The following SEC16B variants were observed in gnomAD, a reference collection of about 807,000 sequenced individuals.
The protein encoded by SEC16B is protein transport protein Sec16B.
SEC16B carries 115 observed loss-of-function variants against 141.8 expected under a neutral mutation model. The ratio of observed to expected loss-of-function variants is 0.81; its 90% CI spans 0.70 to 0.95. The LOEUF (loss-of-function observed/expected upper bound fraction) is 0.95, where lower values mean the gene tolerates loss of function less well. SEC16B is among the 40% of genes least tolerant of loss of function. The pLI is 0.00. For synonymous variants in SEC16B, 493 were observed against 492.5 expected, an observed-to-expected ratio of 1.00 and a Z score of -0.01; for missense variants, 1,291 against 1,312.3, an observed-to-expected ratio of 0.98 and a Z score of 0.25.
chr1:177,949,807 C>T (rs1652030045), intron 12 of SEC16B, among the ~76,000 whole-genome samples: 1 of 152,206 alleles, frequency 6.6e-6, no homozygotes, highest in South Asian at 2.1e-4. Context: ...CCATTCATCA[C>T]ATGGAACTGA....
upstream of SEC16B, among the ~76,000 whole-genome samples, chr1:177,973,488 T>C (rs1388189553): frequency 6.6e-6 from 1 of 152,232 alleles, no homozygotes; most frequent in African/African-American, 2.4e-5. Context: ...ACTGACATTA[T>C]TTTTAATCAA....
At chr1:177,937,630 T>C in intron 18 of SEC16B, 117 bp from the exon 19 acceptor site, 1 of 835,014 alleles carries the variant, frequency 1.2e-6, no homozygotes, top group Non-Finnish European at 1.8e-6. Flanking sequence ...AAGGACGAGC[T>C]GTCTAATGCG....
At chr1:177,938,386 C>T (rs551509407) in intron 18 of SEC16B, among the ~76,000 whole-genome samples, 20 of 152,320 alleles carry the variant, frequency 1.3e-4, no homozygotes, top group East Asian at 3.9e-4. Context: ...ATGTGTTACA[C>T]GCACATTAGT....
chr1:177,935,738 G>A (rs2101905676), intron 20 of SEC16B, among the ~76,000 whole-genome samples: 1 of 152,056 alleles, frequency 6.6e-6, no homozygotes, highest in East Asian at 1.9e-4. Context: ...AAAGTTATAG[G>A]ATGTAACCCT....
upstream of SEC16B, among the ~76,000 whole-genome samples, chr1:177,971,083 C>CTTT (rs200777874): frequency 4.5e-4 from 66 of 145,832 alleles, no homozygotes; most frequent in East Asian, 2.4e-3. Context: ...CTAATGGTTT[C>CTTT]TTTTTTTTTT....
At chr1:177,932,338 T>C (rs566458871) in intron 24 of SEC16B, among the ~76,000 whole-genome samples, 152 bp downstream of exon 24, 2 of 152,270 alleles carry the variant, frequency 1.3e-5, no homozygotes, top group East Asian at 3.9e-4. Flanking sequence ...CTCTGTTCTG[T>C]GGTACTTTGT....
intron 2 of SEC16B, among the ~76,000 whole-genome samples, 163 bp from the exon 3 acceptor site, chr1:177,966,168 C>T (rs1653502739): frequency 6.6e-6 from 1 of 152,178 alleles, no homozygotes; most frequent in African/African-American, 2.4e-5. Flanking sequence ...TAAACAGAAT[C>T]AAAGCAGGAG....
chr1:177,968,280 G>A (rs904891465), intron 1 of SEC16B, among the ~76,000 whole-genome samples: 2 of 152,208 alleles, frequency 1.3e-5, no homozygotes, highest in Admixed American at 6.5e-5. Flanking sequence ...AACGACAGAT[G>A]AGGGAGGCAA....
upstream of SEC16B, chr1:177,970,258 C>T (rs1451895690): frequency 6.6e-6 from 1 of 152,246 alleles, no homozygotes; most frequent in Non-Finnish European, 1.5e-5. Context: ...GTCCAGAAGC[C>T]CCAAGGCAGC....
intron 20 of SEC16B, among the ~76,000 whole-genome samples, chr1:177,934,541 T>C (rs1322918720): frequency 6.6e-6 from 1 of 152,268 alleles, no homozygotes; most frequent in African/African-American, 2.4e-5. Context: ...GGCACTGTTT[T>C]AAGGGCTTTA....
chr1:177,953,949 A>G (rs1478243226), intron 11 of SEC16B, among the ~76,000 whole-genome samples: 1 of 152,128 alleles, frequency 6.6e-6, no homozygotes, highest in Non-Finnish European at 1.5e-5. Context: ...GGCTCTAAGG[A>G]AGTGATCGCT....
intron 15 of SEC16B, among the ~76,000 whole-genome samples, chr1:177,942,535 G>T (rs1170432590): frequency 6.6e-6 from 1 of 152,136 alleles, no homozygotes; most frequent in Non-Finnish European, 1.5e-5. Flanking sequence ...GGGCATGGTG[G>T]CATGCACCTG....
chr1:177,933,250 A>G lies in SEC16B; in HGVS notation c.2787T>C (p.Ala929=), dbSNP rs1475121543. The change falls in exon 22 of 26, where the codon GCT becomes GCC. Residue 929 remains alanine, a synonymous_variant. Transcript: ENST00000308284. ...RSKPTKNASP[A]GDEDSSDSPD... ...GGCTGTCTGAGGAGTCCTCGTCTCC[A>G]GCGGGGGATGCGTTCTTGGTGGGCT... 1 of 1,596,522 alleles carries G rather than the reference A, an allele frequency of 6.3e-7. No individual in the cohort carries two copies. The highest frequency in any genetic ancestry group is 8.5e-7 in the Non-Finnish European group (1 of 1,171,684).
In SEC16B at chr1:177,949,429, C is replaced by CACACAA. The variant is rs1491561749; in HGVS notation, c.1546-1488_1546-1487insTTGTGT. Among the ~76,000 whole-genome samples, 590 of 139,228 alleles carry CACACAA rather than the reference C, an allele frequency of 4.2e-3. 7 individuals carry two copies. The highest frequency in any genetic ancestry group is 0.015 in the African/African-American group (570 of 37,284). 91.3% of individuals were successfully genotyped at this position (139,228 alleles called of 152,430 possible). On this transcript the variant is annotated intron_variant, in intron 12 of 25. Transcript: ENST00000308284. ...ACACACACACACACACACACACACACAAAGAAAAACTTAGAGGTCATTATT... is the reference window on the plus strand; with the variant it reads ...ACACACACACACACACACACACACACACACAAAAAGAAAAACTTAGAGGTCATTATT...
intron 12 of SEC16B, 68 bp downstream of exon 12, chr1:177,951,846 T>C: frequency 7.7e-7 from 1 of 1,299,026 alleles, no homozygotes; most frequent in Non-Finnish European, 1.1e-6. Flanking sequence ...AGTGCACTCC[T>C]GAGCAGTCCC....
chr1:177,981,182 C>T lies in SEC16B; in HGVS notation c.-59+3024G>A, dbSNP rs1654398243. The stretch of plus-strand genomic sequence containing the variant: ...AATACCTGCCATTTCTGCCAGCATC[C>T]TACACTCTGGCTTCTAGTAATAAAT... On this transcript the variant is annotated intron_variant and NMD_transcript_variant, in intron 1 of 24. Coordinates refer to the SEC16B transcript ENST00000528461. Among the ~76,000 whole-genome samples the T allele has an allele frequency of 3.3e-5, 5 of 152,100 alleles. No individual in the cohort carries two copies. The South Asian group carries it at 1.0e-3, about 32-fold the overall frequency.
chr1:177,968,553 T>C (rs556993594), intron 1 of SEC16B, among the ~76,000 whole-genome samples: 1 of 152,318 alleles, frequency 6.6e-6, no homozygotes, highest in East Asian at 1.9e-4. Flanking sequence ...GCAAGGTTAT[T>C]GACAGAGTTA....
At position 177,932,812 on chromosome 1, in the gene SEC16B, T is replaced by C; in HGVS notation, c.2824-6A>G. On this transcript the variant is annotated splice_region_variant and splice_polypyrimidine_tract_variant and intron_variant, in intron 22 of 25. Transcript: ENST00000308284. ...GAAGATGCTCTGGGGGTCTCCTGCT[T>C]TGTGGAGAAAGAAAGGCAGCATTGG... 1 of 1,606,590 alleles carries C rather than the reference T, an allele frequency of 6.2e-7. No individual in the cohort carries two copies. The highest frequency in any genetic ancestry group is 8.5e-7 in the Non-Finnish European group (1 of 1,176,754).
chr1:177,940,739 A>AG, intron 16 of SEC16B, 25 bp from the exon 17 acceptor site: 1 of 1,538,428 alleles, frequency 6.5e-7, no homozygotes, highest in Non-Finnish European at 9.0e-7. Flanking sequence ...CAGATGGGTT[A>AG]GGGGCAGAAA....
Sources: allele counts gnomAD v4.1 joint callset (sites outside exome capture counted in the v4.1 genomes callset), GRCh38; gene constraint gnomAD v4.1.1; transcripts MANE v1.5; gene names NCBI Gene and HGNC (gene_info 2026-07-23, HGNC 2026-07-21).